The following ESR1 variants were observed in gnomAD, a reference collection of about 807,000 sequenced individuals.
ESR1 encodes estrogen receptor.
Under a neutral mutation model 52.7 loss-of-function variants are expected in ESR1, and 12 were observed. The observed-to-expected ratio is 0.23, with a 90% CI of 0.15 to 0.37. The LOEUF (loss-of-function observed/expected upper bound fraction) is 0.37. Ranked by LOEUF, ESR1 falls within the 10% of genes least tolerant of loss-of-function variation. ESR1 has a pLI of 1.00. For synonymous variants in ESR1, 305 were observed against 316.8 expected, an observed-to-expected ratio of 0.96 and a Z score of 0.39; for missense variants, 584 against 779.7, an observed-to-expected ratio of 0.75 and a Z score of 2.99.
intron 2 of ESR1, among the ~76,000 whole-genome samples, chr6:151,871,265 T>G (rs1271647693): frequency 6.6e-6 from 1 of 152,034 alleles, no homozygotes; most frequent in African/African-American, 2.4e-5. Flanking sequence ...AAAATAAAAT[T>G]GTGATAAGAT....
Position 152,124,135 on chromosome 6 carries a change from C to G in ESR1, c.851-1131C>G, listed in dbSNP as rs569702219. Among the ~76,000 whole-genome samples, 10 of 152,160 alleles carry G rather than the reference C, an allele frequency of 6.6e-5. No individual in the cohort carries two copies. The East Asian group carries it at 1.9e-3, about 29-fold the overall frequency. ...GGCCAGGAGTTCAAGCCAGCCTGGC[C>G]AACATGGTAAAAATACAAAAATTAG... On this transcript the variant is annotated intron_variant, in intron 6 of 6. Transcript: ENST00000427531.
chr6:152,018,144 G>C (rs565942628), intron 5 of ESR1, among the ~76,000 whole-genome samples: 2 of 151,778 alleles, frequency 1.3e-5, no homozygotes, highest in East Asian at 3.9e-4. Context: ...CTCCTTAAGA[G>C]AAAAACAGGT....
intron 2 of ESR1, among the ~76,000 whole-genome samples, chr6:151,732,178 A>T (rs1782296246): frequency 6.6e-6 from 1 of 152,222 alleles, no homozygotes; most frequent in Non-Finnish European, 1.5e-5. Flanking sequence ...TTCTATGAGA[A>T]CATTTTTATT....
chr6:151,973,319 G>T (rs1165707379), intron 4 of ESR1, among the ~76,000 whole-genome samples: 1 of 143,944 alleles, frequency 6.9e-6, no homozygotes, highest in African/African-American at 2.5e-5. Flanking sequence ...AGATAGTAGA[G>T]CCATTATATT....
chr6:151,913,913 T>A (rs1040995673), intron 3 of ESR1, among the ~76,000 whole-genome samples: 3 of 152,160 alleles, frequency 2.0e-5, no homozygotes, highest in Admixed American at 1.3e-4. Context: ...ATTTTAGAAA[T>A]TTTAAAAAAT....
chr6:151,779,848 C>T (rs540350908), intron 2 of ESR1, among the ~76,000 whole-genome samples: 6 of 125,128 alleles, frequency 4.8e-5, no homozygotes, highest in Non-Finnish European at 8.6e-5. Context: ...TGCAGTGAGC[C>T]GAGATCCCGC....
At chr6:151,768,174 GAGA>G (rs1425334957) in intron 2 of ESR1, among the ~76,000 whole-genome samples, 14 of 152,218 alleles carry the variant, frequency 9.2e-5, no homozygotes, top group African/African-American at 3.4e-4. Flanking sequence ...TAACTTTACA[GAGA>G]AGAAGAAATC....
intron 3 of ESR1, among the ~76,000 whole-genome samples, chr6:151,901,796 T>C (rs1396311869): frequency 6.6e-6 from 1 of 152,194 alleles, no homozygotes; most frequent in East Asian, 1.9e-4. Context: ...GGGTGTCTCC[T>C]GGGTCCTGTA....
chr6:152,033,321 C>A (rs1184685955), intron 5 of ESR1, among the ~76,000 whole-genome samples: 2 of 152,166 alleles, frequency 1.3e-5, no homozygotes, highest in Non-Finnish European at 2.9e-5. Context: ...AGCTTCTGCA[C>A]AGCAAAAGAG....
intron 3 of ESR1, among the ~76,000 whole-genome samples, chr6:151,899,304 AC>A (rs1317629302): frequency 1.2e-5 from 1 of 82,768 alleles, no homozygotes; most frequent in Non-Finnish European, 2.4e-5. Context: ...CGGGGGGCTG[AC>A]CCCCCCACCT....
At chr6:151,933,461 A>G (rs1165766827) in intron 3 of ESR1, among the ~76,000 whole-genome samples, 15 of 149,806 alleles carry the variant, frequency 1.0e-4, no homozygotes, top group Admixed American at 2.7e-4. Flanking sequence ...TCTCCTGCCT[A>G]ATTGCCCTGG....
At chr6:151,956,618 G>T (rs2036939432) in intron 4 of ESR1, among the ~76,000 whole-genome samples, 1 of 151,778 alleles carries the variant, frequency 6.6e-6, no homozygotes. Flanking sequence ...TTTAGTATTA[G>T]GGAAACAATT....
chr6:151,966,208 C>T (rs1380456637), intron 4 of ESR1, among the ~76,000 whole-genome samples: 2 of 152,158 alleles, frequency 1.3e-5, no homozygotes, highest in African/African-American at 4.8e-5. Flanking sequence ...GAAGATACTG[C>T]CCCACTATAT....
chr6:151,703,385 C>T (rs17081604), intron 2 of ESR1, among the ~76,000 whole-genome samples: 6,726 of 152,214 alleles, frequency 0.044, 434 homozygotes, highest in African/African-American at 0.14. Flanking sequence ...TCTGCAAGGG[C>T]ATGGCTGACT....
intron 3 of ESR1, 85 bp from the exon 4 acceptor site, chr6:151,944,088 A>G: frequency 1.7e-6 from 2 of 1,146,716 alleles, no homozygotes; most frequent in East Asian, 2.4e-5. Context: ...AATAAAATGA[A>G]AGCTGGTTAG....
intron 3 of ESR1, among the ~76,000 whole-genome samples, chr6:151,895,222 C>G (rs769815706): frequency 6.7e-6 from 1 of 150,256 alleles, no homozygotes; most frequent in African/African-American, 2.5e-5. Context: ...TATAGCAGAG[C>G]TACTGATTTG....
At chr6:152,106,555 A>C (rs986559407), downstream of ESR1, among the ~76,000 whole-genome samples, 18 of 151,908 alleles carry the variant, frequency 1.2e-4, no homozygotes, top group African/African-American at 4.4e-4. Context: ...CTGGTTGATG[A>C]TCATTGATGT....
intron 2 of ESR1, among the ~76,000 whole-genome samples, chr6:151,872,180 C>G (rs1210238345): frequency 6.6e-6 from 1 of 152,198 alleles, no homozygotes; most frequent in Non-Finnish European, 1.5e-5. Context: ...GACACAACTT[C>G]CAAGCTTCAG....
chr6:151,845,484 G>A (rs561071412), intron 2 of ESR1, among the ~76,000 whole-genome samples: 2 of 152,230 alleles, frequency 1.3e-5, no homozygotes, highest in South Asian at 4.2e-4. Context: ...CAGGATAATT[G>A]CTTGAACCTG....
Sources: gnomAD v4.1 joint callset for allele counts (sites outside exome capture counted in the v4.1 genomes callset) on GRCh38, gnomAD v4.1.1 for gene constraint, MANE v1.5 for transcripts, NCBI Gene and HGNC (gene_info 2026-07-23, HGNC 2026-07-21) for gene names.